The following RAPGEFL1 variants were observed in gnomAD, a reference collection of about 807,000 sequenced individuals.
The protein encoded by RAPGEFL1 is rap guanine nucleotide exchange factor-like 1.
Under a neutral mutation model 64.4 loss-of-function variants are expected in RAPGEFL1, and 31 were observed. That is an observed-to-expected ratio of 0.48 (90% CI 0.36 to 0.65). RAPGEFL1 has a LOEUF of 0.65. RAPGEFL1 is among the 30% of genes least tolerant of loss of function. RAPGEFL1 has a pLI of 0.00. For missense variants in RAPGEFL1, 682 were observed against 677.4 expected (o/e 1.01, Z -0.08); for synonymous variants, 331 against 274.1 (o/e 1.21, Z -2.05).
intron 4 of RAPGEFL1, among the ~76,000 whole-genome samples, chr17:40,187,994 A>C (rs546103019): frequency 1.4e-5 from 2 of 138,014 alleles, no homozygotes; most frequent in Non-Finnish European, 3.0e-5. Flanking sequence ...AACTCACTGC[A>C]ACCTCCCCCT....
rs899099682 is a variant in RAPGEFL1, at chr17:40,181,619, T to C, written c.524T>C (p.Ile175Thr). 2.8e-6 allele frequency: 2 copies of C among 702,640 alleles called. No homozygotes were observed. The highest frequency in any genetic ancestry group is 3.5e-5 in the African/African-American group (2 of 57,242). The allele number at this position is 702,640 out of a possible 1,614,324, so 43.5% of individuals were successfully genotyped here. A position where few individuals can be genotyped will look rare whatever the true frequency, so the allele number is the denominator to read the frequency against. Residue 175 changes from isoleucine to threonine, a missense_variant, in exon 2 of 15, where the codon ATC becomes ACC. Transcript: ENST00000620260. ...TGGTGCCCACTGATCTTTACAGATA[T>C]CCTGCTGGATGACATTGTCCTTACC... is the stretch of plus-strand genomic sequence containing the variant. ...GATRDSAASD[I>T]LLDDIVLTHS... is the part of the protein sequence containing the mutation.
At position 40,191,262 on chromosome 17, in the gene RAPGEFL1, C is replaced by G. The variant is rs1990251161; in HGVS notation, c.1336-54C>G. 1 of 1,482,124 alleles carries G rather than the reference C, an allele frequency of 6.7e-7. No individual in the cohort carries two copies. 91.8% of individuals were successfully genotyped at this position (1,482,124 alleles called of 1,614,324 possible). A position where few individuals can be genotyped will look rare whatever the true frequency, so the allele number is the denominator to read the frequency against. On this transcript the variant is annotated intron_variant, in intron 8 of 14. Coordinates refer to ENST00000620260, the MANE Select transcript of RAPGEFL1 (RefSeq NM_016339.6). This position sits in a 1 kb window ranked among gnomAD's most constrained non-coding sequence, Gnocchi z 5.1. ...TCGCCTTGCACTGCCATCTTCCCAC[C>G]CACTCCCCTCACCCCCTGGCGCCCT... is the stretch of plus-strand genomic sequence containing the variant.
chr17:40,180,320 G>A (rs1449003180), intron 1 of RAPGEFL1, among the ~76,000 whole-genome samples: 1 of 152,130 alleles, frequency 6.6e-6, no homozygotes, highest in Admixed American at 6.5e-5. Context: ...CCTGGGGTAA[G>A]ACTCCTGAAA....
intron 13 of RAPGEFL1, 35 bp downstream of exon 13, chr17:40,193,025 A>T: frequency 6.4e-7 from 1 of 1,570,250 alleles, no homozygotes; most frequent in Non-Finnish European, 8.8e-7. Context: ...CTAGTCCCAC[A>T]AGTGGGGGGC....
At chr17:40,177,306 G>T, upstream of RAPGEFL1, 1 of 702,510 alleles carries the variant, frequency 1.4e-6, no homozygotes, top group East Asian at 2.7e-5. Context: ...ACTTACCTTT[G>T]CCCTTAATTT....
At chr17:40,186,492 C>T (rs1190594102) in intron 4 of RAPGEFL1, among the ~76,000 whole-genome samples, 8 of 141,620 alleles carry the variant, frequency 5.6e-5, no homozygotes, top group African/African-American at 1.8e-4. Context: ...GGCGTGAACC[C>T]GGGAAGCGGA....
Position 40,181,621 on chromosome 17 carries a change from C to G in RAPGEFL1, c.526C>G (p.Leu176Val), listed in dbSNP as rs1396310470. ...ATRDSAASDI[L>V]LDDIVLTHSL... The stretch of plus-strand genomic sequence containing the variant: ...GTGCCCACTGATCTTTACAGATATC[C>G]TGCTGGATGACATTGTCCTTACCCA... Residue 176 changes from leucine to valine, a missense_variant, in exon 2 of 15, where the codon CTG becomes GTG. Around this residue, in one of 2 missense-constraint regions of RAPGEFL1, gnomAD observed 271 missense variants for 158.0 expected, o/e 1.72. Coordinates refer to ENST00000620260, the MANE Select transcript of RAPGEFL1 (RefSeq NM_016339.6). The G allele has an allele frequency of 2.8e-6, 2 of 702,764 alleles. No homozygotes were observed. Among genetic ancestry groups the G allele is most frequent in the Admixed American group, 2.0e-5 (1 of 50,006 alleles). The allele number at this position is 702,764 out of a possible 1,614,324, so 43.5% of individuals were successfully genotyped here.
At chr17:40,186,998 T>A (rs2145213473) in intron 4 of RAPGEFL1, among the ~76,000 whole-genome samples, 1 of 152,120 alleles carries the variant, frequency 6.6e-6, no homozygotes, top group Non-Finnish European at 1.5e-5. Flanking sequence ...TGTATTATTA[T>A]TTTTTAATAG....
At chr17:40,187,814 C>T (rs1410172104) in intron 4 of RAPGEFL1, among the ~76,000 whole-genome samples, 9 of 151,134 alleles carry the variant, frequency 6.0e-5, no homozygotes, top group South Asian at 2.1e-4. Flanking sequence ...GGGGTTTCAT[C>T]GTGTTAGCCA....
rs145831336 is a variant in RAPGEFL1 at position 40,180,998 on chromosome 17, T to A, written c.521-618T>A. Among the ~76,000 whole-genome samples the A allele has an allele frequency of 1.8e-3, 272 of 152,208 alleles. 1 individual carries two copies. Among genetic ancestry groups the A allele is most frequent in the Non-Finnish European group, 3.4e-3 (230 of 67,994 alleles). ...GACGGGGGTGTGGAGGGGAAAGGGG[T>A]GGTGAGAGGAGCCGCTCCCCTTCAC... On this transcript the variant is annotated intron_variant, in intron 1 of 14. Coordinates refer to ENST00000620260, the MANE Select transcript of RAPGEFL1 (RefSeq NM_016339.6).
At chr17:40,185,373 T>G (rs921051918) in intron 4 of RAPGEFL1, among the ~76,000 whole-genome samples, 1 of 151,544 alleles carries the variant, frequency 6.6e-6, no homozygotes, top group Non-Finnish European at 1.5e-5. Flanking sequence ...CACCATACAG[T>G]AGATGTAGTA....
chr17:40,191,260 A>T lies in RAPGEFL1; in HGVS notation c.1336-56A>T. ...CATCGCCTTGCACTGCCATCTTCCC[A>T]CCCACTCCCCTCACCCCCTGGCGCC... On this transcript the variant is annotated intron_variant, in intron 8 of 14. Transcript: ENST00000620260. The surrounding 1 kb of genome is among the most constrained non-coding windows in gnomAD (Gnocchi z 5.1). 1 of 1,452,716 alleles carries T rather than the reference A, an allele frequency of 6.9e-7. No homozygotes were observed. The highest frequency in any genetic ancestry group is 1.3e-5 in the South Asian group (1 of 75,392). 90.0% of individuals were successfully genotyped at this position (1,452,716 alleles called of 1,614,324 possible). A position where few individuals can be genotyped will look rare whatever the true frequency, so the allele number is the denominator to read the frequency against.
chr17:40,193,003 C>G lies in RAPGEFL1; in HGVS notation c.1809+13C>G. ...CATCGAGAAGCTGGTGAGTGAGTGG[C>G]ACTGCAAACCCCTAGTCCCACAAGT... On this transcript the variant is annotated intron_variant, in intron 13 of 14. Coordinates refer to ENST00000620260, the MANE Select transcript of RAPGEFL1 (RefSeq NM_016339.6). 1 of 1,609,362 alleles carries G rather than the reference C, an allele frequency of 6.2e-7. No homozygotes were observed. The highest frequency in any genetic ancestry group is 2.2e-5 in the East Asian group (1 of 44,848).
rs1990230150 is a variant in RAPGEFL1 at position 40,190,694 on chromosome 17, G to C, written c.1267G>C (p.Val423Leu). ...CCCTGGAGACACAGAGATCCACCGA[G>C]TGGAGCCTGAGGACGTTGCCAACCA... ...VSPGDTEIHR[V>L]EPEDVANHLT... Residue 423 changes from valine (V) to leucine (L), a missense_variant, in exon 8 of 15, where the codon GTG becomes CTG. By Grantham distance (32) the Val-to-Leu change is conservative. Transcript: ENST00000620260. 1 of 1,614,250 alleles carries C rather than the reference G, an allele frequency of 6.2e-7. No homozygotes were observed. Among genetic ancestry groups the C allele is most frequent in the South Asian group, 1.1e-5 (1 of 91,088 alleles).
chr17:40,190,509 C>T lies in RAPGEFL1; in HGVS notation c.1190C>T (p.Thr397Ile). Reference sequence around the variant, plus strand: ...ATCAACAGCCACCTGTTTGCCTGTACTCGGGACAGCTATGAGGCTCTGGTA... The same window carrying T: ...ATCAACAGCCACCTGTTTGCCTGTATTCGGGACAGCTATGAGGCTCTGGTA... ...LGINSHLFAC[T>I]RDSYEALVPL... The change falls in exon 7 of 15, where the codon ACT (threonine) becomes ATT (isoleucine). Residue 397 changes from threonine (T) to isoleucine (I), a missense_variant. By Grantham distance (89) the Thr-to-Ile change is moderately conservative (BLOSUM62 -1). Transcript: ENST00000620260. 1 of 1,614,198 alleles carries T rather than the reference C, an allele frequency of 6.2e-7. No homozygotes were observed. The highest frequency in any genetic ancestry group is 8.5e-7 in the Non-Finnish European group (1 of 1,180,042).
At chr17:40,188,239 C>A (rs1247986773) in intron 4 of RAPGEFL1, among the ~76,000 whole-genome samples, 1 of 152,076 alleles carries the variant, frequency 6.6e-6, no homozygotes, top group African/African-American at 2.4e-5. Context: ...TTCCTGCTTT[C>A]CTCCAAGGCC....
At position 40,191,417 on chromosome 17, in the gene RAPGEFL1, G is replaced by A. The variant is rs1291984549; in HGVS notation, c.1437G>A (p.Val479=). 2.5e-6 allele frequency: 4 copies of A among 1,604,768 alleles called. No homozygotes were observed. Among genetic ancestry groups the A allele is most frequent in the Admixed American group, 3.4e-5 (2 of 59,230 alleles). ...LQRCSEVTHW[V]ATEVLLCEAP... is the part of the protein sequence containing the mutation. ...GCTGCAGCGAGGTCACGCACTGGGT[G>A]GCCACCGAAGTGCTGCTCTGCGAGG... Residue 479 remains valine, a synonymous_variant, in exon 9 of 15, where the codon GTG becomes GTA. Coordinates refer to ENST00000620260, the MANE Select transcript of RAPGEFL1 (RefSeq NM_016339.6). This position sits in a 1 kb window ranked among gnomAD's most constrained non-coding sequence, Gnocchi z 5.1.
In RAPGEFL1 at chr17:40,190,631, T is replaced by C. The variant is rs770638554; in HGVS notation, c.1213-9T>C. On this transcript the variant is annotated splice_polypyrimidine_tract_variant and intron_variant, in intron 7 of 14. Coordinates refer to ENST00000620260, the MANE Select transcript of RAPGEFL1 (RefSeq NM_016339.6). ...GGAGCCCAGCCCCTATGCCCCTGCC[T>C]GCCACCAGGTGCCCCTCCCCGAGGA... The C allele has an allele frequency of 2.5e-6, 4 of 1,613,904 alleles. No individual in the cohort carries two copies. In the East Asian group the frequency reaches 8.9e-5, roughly 36 times the overall value.
At chr17:40,188,825 G>A in intron 4 of RAPGEFL1, 41 bp from the exon 5 acceptor site, 3 of 1,527,984 alleles carry the variant, frequency 2.0e-6, no homozygotes, top group Non-Finnish European at 2.7e-6. Flanking sequence ...TTGTCCATAT[G>A]CCTGGCAGGG....
Sources: allele counts gnomAD v4.1 joint callset (sites outside exome capture counted in the v4.1 genomes callset), GRCh38; gene constraint gnomAD v4.1.1; regional missense constraint gnomAD v4.1.1; non-coding constraint Gnocchi (gnomAD v3.1); transcripts MANE v1.5; gene names NCBI Gene and HGNC (gene_info 2026-07-23, HGNC 2026-07-21).